The following MYCBP2 variants were observed in gnomAD, a reference collection of about 807,000 sequenced individuals.
The protein encoded by MYCBP2 is MYC binding protein 2.
A neutral mutation model predicts 525.3 loss-of-function variants in MYCBP2; 120 were observed. That is an observed-to-expected ratio of 0.23 (90% CI 0.20 to 0.27). The LOEUF (loss-of-function observed/expected upper bound fraction) is 0.27, where lower values mean the gene tolerates loss of function less well. Among genes scored for constraint, MYCBP2 ranks in the 10% least tolerant of loss-of-function variants. The pLI is 1.00. For missense variants in MYCBP2, 4,149 were observed against 5,657.1 expected (o/e 0.73, Z 8.55); for synonymous variants, 1,894 against 1,955.8 (o/e 0.97, Z 0.83).
intron 15 of MYCBP2, among the ~76,000 whole-genome samples, chr13:77,246,151 A>T (rs1012131643): frequency 1.3e-5 from 2 of 152,074 alleles, no homozygotes; most frequent in African/African-American, 2.4e-5. Flanking sequence ...GCCTTGTTGA[A>T]CCCCAGGTTA....
rs552779814 is a variant in MYCBP2, at chr13:77,092,124, G to A, written c.10367+1041C>T. Among the ~76,000 whole-genome samples the A allele has an allele frequency of 8.0e-5, 12 of 149,250 alleles. No homozygotes were observed. The East Asian group carries it at 1.6e-3, about 19-fold the overall frequency. The stretch of plus-strand genomic sequence containing the variant: ...CATTTGGATATATATGTCCCATTGC[G>A]CTCATTAAAGTATTTATTATATTAG... On this transcript the variant is annotated intron_variant, in intron 59 of 82. Transcript: ENST00000544440.
intron 23 of MYCBP2, among the ~76,000 whole-genome samples, chr13:77,208,600 A>T (rs947721943): frequency 5.3e-5 from 8 of 152,212 alleles, no homozygotes; most frequent in Admixed American, 5.2e-4. Context: ...TGAGCAAAAA[A>T]TCTAACTTTT....
intron 57 of MYCBP2, 48 bp from the exon 58 acceptor site, chr13:77,095,650 T>C (rs2154125826): frequency 6.3e-7 from 1 of 1,579,868 alleles, no homozygotes; most frequent in Non-Finnish European, 8.6e-7. Flanking sequence ...TACATTAAAA[T>C]CCTTAGTTTC....
intron 2 of MYCBP2, among the ~76,000 whole-genome samples, chr13:77,290,157 T>A (rs1326352964): frequency 1.3e-5 from 2 of 151,952 alleles, no homozygotes; most frequent in Non-Finnish European, 2.9e-5. Context: ...ACTAGGAAAA[T>A]GCAAATTAAA....
intron 29 of MYCBP2, 71 bp downstream of exon 29, chr13:77,190,181 T>C (rs1404091919): frequency 1.0e-6 from 1 of 965,320 alleles, no homozygotes; most frequent in African/African-American, 1.6e-5. Context: ...TTATGCCACG[T>C]TTTGTAATGA....
intron 58 of MYCBP2, among the ~76,000 whole-genome samples, chr13:77,094,311 G>GAC (rs1302069577): frequency 6.6e-6 from 1 of 152,152 alleles, no homozygotes; most frequent in Non-Finnish European, 1.5e-5. Context: ...CATGATGTGT[G>GAC]AAAGTACAGG....
At chr13:77,245,457 G>T (rs1324713771) in intron 15 of MYCBP2, among the ~76,000 whole-genome samples, 1 of 152,066 alleles carries the variant, frequency 6.6e-6, no homozygotes, top group Admixed American at 6.5e-5. Context: ...TCTTTGCAGG[G>T]ACATGAATGA....
chr13:77,122,128 C>A (rs2050818346), intron 54 of MYCBP2, among the ~76,000 whole-genome samples: 1 of 151,734 alleles, frequency 6.6e-6, no homozygotes, highest in African/African-American at 2.4e-5. Flanking sequence ...TATCCATTTA[C>A]AAATGGCAAG....
At position 77,168,506 on chromosome 13, in the gene MYCBP2, A is replaced by G. The variant is rs374971761; in HGVS notation, c.6036T>C (p.Ser2012=). ...CATAGTGACTGGAGGTTGTACAAGC[A>G]GAGAGGCCCTGTTCAGGCTGGTTTC... ...TTGNQPEQGL[S]ACTTSSHYAV... is the part of the protein sequence containing the mutation. Residue 2012 remains serine, a synonymous_variant, in exon 40 of 83, where the codon TCT becomes TCC. Coordinates refer to ENST00000544440, the MANE Select transcript of MYCBP2 (RefSeq NM_015057.5). 4 of 1,613,986 alleles carry G rather than the reference A, an allele frequency of 2.5e-6. No individual in the cohort carries two copies. In the African/African-American group the frequency reaches 5.3e-5, roughly 22 times the overall value.
intron 47 of MYCBP2, among the ~76,000 whole-genome samples, chr13:77,148,555 C>G (rs1370754747): frequency 6.6e-6 from 1 of 151,986 alleles, no homozygotes; most frequent in African/African-American, 2.4e-5. Context: ...TTCCACTGTC[C>G]TCTCTTTAGC....
intron 82 of MYCBP2, among the ~76,000 whole-genome samples, chr13:77,047,827 G>C (rs956710851): frequency 3.3e-5 from 5 of 152,128 alleles, no homozygotes; most frequent in Non-Finnish European, 7.4e-5. Context: ...GCCAAGCTGA[G>C]TCACGCTGCG....
rs940879084 is a variant in MYCBP2, at chr13:77,326,509, G to A, written c.267C>T (p.Asp89=). ...GGTGTCCAGCGCTGCCGCCCCCCTG[G>A]TCCCTGTCATTGAGCGCAGCGGTAT... ...RIYTAALNDR[D]QGGGSAGHPA... is the part of the protein sequence containing the mutation. The change falls in exon 1 of 83, where the codon GAC becomes GAT. Residue 89 remains aspartate, a synonymous_variant. Coordinates refer to ENST00000544440, the MANE Select transcript of MYCBP2 (RefSeq NM_015057.5). This position sits in a 1 kb window ranked among gnomAD's most constrained non-coding sequence, Gnocchi z 4.2. 1.3e-6 allele frequency: 2 copies of A among 1,593,704 alleles called. No homozygotes were observed. Among genetic ancestry groups the A allele is most frequent in the Non-Finnish European group, 1.7e-6 (2 of 1,170,706 alleles).
At chr13:77,070,593 C>A (rs778815212) in intron 69 of MYCBP2, 38 bp downstream of exon 69, 10 of 1,429,380 alleles carry the variant, frequency 7.0e-6, no homozygotes, top group South Asian at 1.2e-5. Flanking sequence ...CACACACACA[C>A]AAAACTAATG....
chr13:77,282,946 C>A (rs2076349830), intron 3 of MYCBP2, among the ~76,000 whole-genome samples: 1 of 152,140 alleles, frequency 6.6e-6, no homozygotes, highest in African/African-American at 2.4e-5. Flanking sequence ...ATAATTCCAA[C>A]CCTCATTAAC....
intron 52 of MYCBP2, among the ~76,000 whole-genome samples, chr13:77,130,452 G>C (rs2052562977): frequency 6.6e-6 from 1 of 150,722 alleles, no homozygotes; most frequent in African/African-American, 2.4e-5. Context: ...GATGAATGTG[G>C]GTACACACCC....
intron 30 of MYCBP2, among the ~76,000 whole-genome samples, chr13:77,187,537 T>G (rs1425164746): frequency 6.6e-6 from 1 of 152,182 alleles, no homozygotes; most frequent in Non-Finnish European, 1.5e-5. Flanking sequence ...ATCAAAGTGG[T>G]TCTTTGATAG....
intron 53 of MYCBP2, 36 bp downstream of exon 53, chr13:77,126,282 G>C: frequency 6.4e-7 from 1 of 1,554,990 alleles, no homozygotes; most frequent in Non-Finnish European, 8.8e-7. Context: ...TTAAAAATGA[G>C]TATCTTAGAA....
chr13:77,214,903 A>T (rs1479394112), intron 21 of MYCBP2, among the ~76,000 whole-genome samples: 31 of 152,176 alleles, frequency 2.0e-4, no homozygotes, highest in Admixed American at 2.0e-3. Context: ...CACTGACCAA[A>T]ATACTGTTAT....
rs763116479 is a variant in MYCBP2 at position 77,166,319 on chromosome 13, A to C, written c.6340+10T>G. On this transcript the variant is annotated intron_variant, in intron 41 of 82. Coordinates refer to ENST00000544440, the MANE Select transcript of MYCBP2 (RefSeq NM_015057.5). The stretch of plus-strand genomic sequence containing the variant: ...TTTACCACATAAAACAGAAGAAAAA[A>C]AAAACTTACCTGGCAACACCAAAAC... 1.1e-5 allele frequency: 17 copies of C among 1,575,520 alleles called. No individual in the cohort carries two copies. Among genetic ancestry groups the C allele is most frequent in the African/African-American group, 1.4e-5 (1 of 72,596 alleles).
Sources: gnomAD v4.1 joint callset for allele counts (sites outside exome capture counted in the v4.1 genomes callset) on GRCh38, gnomAD v4.1.1 for gene constraint, Gnocchi (gnomAD v3.1) non-coding constraint, MANE v1.5 for transcripts, NCBI Gene and HGNC (gene_info 2026-07-23, HGNC 2026-07-21) for gene names.